The following CPE variants were observed in gnomAD, a reference collection of about 807,000 sequenced individuals.
CPE encodes the protein carboxypeptidase E.
CPE carries 17 observed loss-of-function variants against 53.5 expected under a neutral mutation model. The ratio of observed to expected loss-of-function variants is 0.32; its 90% CI spans 0.22 to 0.48. CPE has a LOEUF of 0.48. Ranked by LOEUF, CPE falls within the 20% of genes least tolerant of loss-of-function variation. The pLI is 0.99. For missense variants in CPE, 524 were observed against 614.7 expected (o/e 0.85, Z 1.56); for synonymous variants, 226 against 228.8 (o/e 0.99, Z 0.11).
chr4:165,419,872 T>A (rs1946817), intron 1 of CPE, among the ~76,000 whole-genome samples: 2 of 152,158 alleles, frequency 1.3e-5, no homozygotes, highest in East Asian at 1.9e-4. Context: ...TATGGTGGTA[T>A]TTAAAAATCT....
chr4:165,437,604 T>C (rs1731529465), intron 1 of CPE, among the ~76,000 whole-genome samples: 1 of 152,160 alleles, frequency 6.6e-6, no homozygotes. Flanking sequence ...TCTAATGACC[T>C]CAATTAGATA....
At chr4:165,487,363 G>C in intron 5 of CPE, 75 bp from the exon 6 acceptor site, 1 of 1,578,060 alleles carries the variant, frequency 6.3e-7, no homozygotes, top group Admixed American at 1.8e-5. Context: ...CTTGGTTCTT[G>C]ATTCAGAAGA....
Position 165,482,254 on chromosome 4 carries a change from A to T in CPE, c.685A>T (p.Thr229Ser), listed in dbSNP as rs1481577070. ...CTCATCTGAACAGCTTGCTCCTGAG[A>T]CCAAGGCTGTCATTCATTGGATTAT... ...VDQNTKLAPETKAVIHWIMDI... is the reference protein window; with the variant it reads ...VDQNTKLAPESKAVIHWIMDI... Residue 229 changes from threonine (T) to serine (S), a missense_variant, in exon 4 of 9, where the codon ACC (threonine) becomes TCC (serine). By Grantham distance (58) the Thr-to-Ser change is moderately conservative. Transcript: ENST00000402744. The T allele has an allele frequency of 6.2e-7, 1 of 1,611,876 alleles. No individual in the cohort carries two copies. The highest frequency in any genetic ancestry group is 8.5e-7 in the Non-Finnish European group (1 of 1,178,312).
At chr4:165,402,027 A>T (rs555496263) in intron 1 of CPE, among the ~76,000 whole-genome samples, 50 of 152,290 alleles carry the variant, frequency 3.3e-4, no homozygotes, top group African/African-American at 1.2e-3. Flanking sequence ...TGATAAATGG[A>T]CAGATTATTT....
chr4:165,492,814 T>C (rs902458040), intron 6 of CPE, among the ~76,000 whole-genome samples: 7 of 152,180 alleles, frequency 4.6e-5, no homozygotes, highest in African/African-American at 1.7e-4. Context: ...TGCCTGCTTG[T>C]GGATTTCATT....
chr4:165,495,539 G>A lies in CPE; in HGVS notation c.1214-20G>A, dbSNP rs374198483. 2 of 1,500,192 alleles carry A rather than the reference G, an allele frequency of 1.3e-6. No individual in the cohort carries two copies. Among genetic ancestry groups the A allele is most frequent in the Non-Finnish European group, 9.3e-7 (1 of 1,080,508 alleles). The allele number at this position is 1,500,192 out of a possible 1,614,324, so 92.9% of individuals were successfully genotyped here. ...GCATATTTCATGTGCTTTGTGATTTGATATTCTGCCTTCCTACAGCAAAGG... is the reference window on the plus strand; with the variant it reads ...GCATATTTCATGTGCTTTGTGATTTAATATTCTGCCTTCCTACAGCAAAGG... On this transcript the variant is annotated intron_variant, in intron 7 of 8. Coordinates refer to ENST00000402744, the MANE Select transcript of CPE (RefSeq NM_001873.4).
At chr4:165,406,160 C>G in intron 1 of CPE, 1 of 732,294 alleles carries the variant, frequency 1.4e-6, no homozygotes, top group Middle Eastern at 3.9e-4. Flanking sequence ...GTTTATTCAG[C>G]GTATTTATCT....
At chr4:165,402,874 TGTGGC>T (rs1730892544) in intron 1 of CPE, among the ~76,000 whole-genome samples, 2 of 152,316 alleles carry the variant, frequency 1.3e-5, no homozygotes, top group South Asian at 2.1e-4. Context: ...ACCTGAAGAA[TGTGGC>T]AAGTGGAAAA....
At chr4:165,432,402 C>A (rs986263730) in intron 1 of CPE, among the ~76,000 whole-genome samples, 7 of 152,068 alleles carry the variant, frequency 4.6e-5, no homozygotes, top group Non-Finnish European at 1.0e-4. Context: ...CTCAAATAAT[C>A]CTCCCACCTC....
chr4:165,477,221 A>G (rs1322521411), intron 3 of CPE, among the ~76,000 whole-genome samples: 1 of 152,174 alleles, frequency 6.6e-6, no homozygotes, highest in Non-Finnish European at 1.5e-5. Context: ...TCTAGATTAG[A>G]TGTTTTTGTA....
At chr4:165,476,811 G>A (rs1413359196) in intron 3 of CPE, among the ~76,000 whole-genome samples, 1 of 152,136 alleles carries the variant, frequency 6.6e-6, no homozygotes, top group African/African-American at 2.4e-5. Flanking sequence ...AGTGACTTAA[G>A]CTTTCCTGCT....
intron 3 of CPE, among the ~76,000 whole-genome samples, chr4:165,477,872 C>T (rs554347093): frequency 4.8e-4 from 73 of 152,234 alleles, no homozygotes; most frequent in Middle Eastern, 3.4e-3. Context: ...TCCACTCGCT[C>T]GAGATCCATG....
intron 1 of CPE, among the ~76,000 whole-genome samples, chr4:165,457,685 T>G (rs963762276): frequency 3.3e-5 from 5 of 152,228 alleles, no homozygotes; most frequent in East Asian, 3.8e-4. Context: ...GAAGTGAGAT[T>G]TCACTTTTAA....
At chr4:165,461,495 C>T (rs1297146812) in intron 1 of CPE, among the ~76,000 whole-genome samples, 2 of 151,860 alleles carry the variant, frequency 1.3e-5, no homozygotes, top group African/African-American at 2.4e-5. Context: ...GTGGAGGTGA[C>T]CTGAGGAGGG....
At chr4:165,380,883 G>T (rs1560864101) in intron 1 of CPE, among the ~76,000 whole-genome samples, 1 of 152,166 alleles carries the variant, frequency 6.6e-6, no homozygotes, top group Non-Finnish European at 1.5e-5. Flanking sequence ...CAGCATGTAG[G>T]ATTGGACATT....
intron 1 of CPE, among the ~76,000 whole-genome samples, chr4:165,399,566 T>G (rs1730833412): frequency 6.6e-6 from 1 of 152,130 alleles, no homozygotes; most frequent in South Asian, 2.1e-4. Flanking sequence ...GAGATGGGGT[T>G]TCACCATGTT....
intron 3 of CPE, among the ~76,000 whole-genome samples, chr4:165,472,759 G>A (rs142296339): frequency 1.3e-5 from 2 of 151,810 alleles, no homozygotes; most frequent in African/African-American, 4.8e-5. Context: ...TCTAAACTAG[G>A]TCAAAAAAAT....
At position 165,467,784 on chromosome 4, in the gene CPE, A is replaced by C. The variant is rs1471877513; in HGVS notation, c.601A>C (p.Asn201His). 1 of 1,613,892 alleles carries C rather than the reference A, an allele frequency of 6.2e-7. No homozygotes were observed. The highest frequency in any genetic ancestry group is 1.7e-5 in the Admixed American group (1 of 59,986). Residue 201 changes from asparagine (N) to histidine (H), a missense_variant, in exon 3 of 9, where the codon AAT becomes CAT. Coordinates refer to ENST00000402744, the MANE Select transcript of CPE (RefSeq NM_001873.4). ...FPDLDRIVYVNEKEGGPNNHL... is the reference protein window; with the variant it reads ...FPDLDRIVYVHEKEGGPNNHL... ...AGACCTGGATAGGATAGTGTACGTG[A>C]ATGAGAAAGAAGGTGGTCCAAATAA... is the stretch of plus-strand genomic sequence containing the variant.
intron 1 of CPE, among the ~76,000 whole-genome samples, chr4:165,423,119 A>G (rs1731254883): frequency 6.6e-6 from 1 of 152,204 alleles, no homozygotes; most frequent in Non-Finnish European, 1.5e-5. Flanking sequence ...AAGCAATCAA[A>G]TATGCATTTA....
Sources: gnomAD v4.1 joint callset for allele counts (sites outside exome capture counted in the v4.1 genomes callset) on GRCh38, gnomAD v4.1.1 for gene constraint, MANE v1.5 for transcripts, NCBI Gene and HGNC (gene_info 2026-07-23, HGNC 2026-07-21) for gene names.